Variants in SECISBP2L observed in about 807,000 individuals in gnomAD.
SECISBP2L encodes selenocysteine insertion sequence-binding protein 2-like.
SECISBP2L carries 43 observed loss-of-function variants against 114.7 expected under a neutral mutation model. The observed-to-expected ratio is 0.38, with a 90% CI of 0.29 to 0.48. The LOEUF is 0.48. Among genes scored for constraint, SECISBP2L ranks in the 20% least tolerant of loss-of-function variants. SECISBP2L has a pLI of 0.98. For synonymous variants in SECISBP2L, 451 were observed against 439.7 expected (o/e 1.03, Z -0.32); for missense variants, 1,136 against 1,301.1 (o/e 0.87, Z 1.95).
chr15:49,035,436 A>G lies in SECISBP2L; in HGVS notation c.426T>C (p.Ala142=), dbSNP rs759828261. Reference sequence around the variant, plus strand: ...GACGCTCAGTGCATTCTGTGGTGATAGCATTTACAGTATTTGCAGCCTGAA... The same window carrying G: ...GACGCTCAGTGCATTCTGTGGTGATGGCATTTACAGTATTTGCAGCCTGAA... ...NTFQAANTVN[A]ITTECTERPS... The change falls in exon 3 of 18, where the codon GCT becomes GCC. Residue 142 remains alanine, a synonymous_variant. Transcript: ENST00000559471. 1.9e-6 allele frequency: 3 copies of G among 1,614,082 alleles called. No homozygotes were observed. Among genetic ancestry groups the G allele is most frequent in the African/African-American group, 1.3e-5 (1 of 74,920 alleles).
intron 17 of SECISBP2L, among the ~76,000 whole-genome samples, chr15:48,993,313 T>C (rs1490897984): frequency 6.6e-6 from 1 of 152,014 alleles, no homozygotes; most frequent in African/African-American, 2.4e-5. Context: ...AAAGGGAAAA[T>C]AATTCCCAAA....
intron 11 of SECISBP2L, 117 bp downstream of exon 11, chr15:49,016,443 C>T (rs28521891): frequency 0.059 from 39,293 of 662,488 alleles, 1,246 homozygotes; most frequent in East Asian, 0.16. Context: ...CATATATATA[C>T]ACACACACAC....
chr15:49,017,002 G>A lies in SECISBP2L; in HGVS notation c.1265C>T (p.Pro422Leu), dbSNP rs750678381. 1.9e-6 allele frequency: 3 copies of A among 1,611,510 alleles called. No homozygotes were observed. Among genetic ancestry groups the A allele is most frequent in the African/African-American group, 1.3e-5 (1 of 74,860 alleles). ...KLSSKVLDDL[P>L]ENSPINIVQT... ...AACTATATTGATTGGTGAGTTTTCAGGTAAATCATCCAACTATGATAACCA... is the reference window on the plus strand; with the variant it reads ...AACTATATTGATTGGTGAGTTTTCAAGTAAATCATCCAACTATGATAACCA... Residue 422 changes from proline (P) to leucine (L), a missense_variant, in exon 10 of 18, where the codon CCT becomes CTT. Coordinates refer to ENST00000559471, the MANE Select transcript of SECISBP2L (RefSeq NM_001193489.2).
intron 9 of SECISBP2L, 21 bp downstream of exon 9, chr15:49,017,527 T>C (rs1902560239): frequency 6.7e-7 from 1 of 1,490,198 alleles, no homozygotes; most frequent in Non-Finnish European, 9.3e-7. Context: ...ATTTTGCTTT[T>C]CTTTTTAAAG....
chr15:48,999,302 T>C (rs1002017859), intron 16 of SECISBP2L, among the ~76,000 whole-genome samples: 1 of 144,280 alleles, frequency 6.9e-6, no homozygotes, highest in Non-Finnish European at 1.5e-5. Context: ...TTACTCTAAA[T>C]TGATAACCAT....
chr15:49,002,916 T>C (rs988497063), intron 14 of SECISBP2L, among the ~76,000 whole-genome samples: 2 of 152,184 alleles, frequency 1.3e-5, no homozygotes, highest in Non-Finnish European at 2.9e-5. Context: ...TTGCTTAGGA[T>C]TGTCTTGGCT....
rs1901988382 is a variant in SECISBP2L at position 48,992,075 on chromosome 15, T to C, written c.*169A>G. 2 of 564,850 alleles carry C rather than the reference T, an allele frequency of 3.5e-6. No individual in the cohort carries two copies. The highest frequency in any genetic ancestry group is 3.3e-5 in the Admixed American group (1 of 29,854). The allele number at this position is 564,850 out of a possible 1,614,324, so 35.0% of individuals were successfully genotyped here. On this transcript the variant is annotated 3_prime_UTR_variant, in exon 18 of 18. Coordinates refer to ENST00000559471, the MANE Select transcript of SECISBP2L (RefSeq NM_001193489.2). ...AGTTCTTAGAAAGACACTTAGATAC[T>C]AATTAAAAGCTAAGCTACAGATCAT...
chr15:49,024,787 C>T (rs1414177411), intron 7 of SECISBP2L, among the ~76,000 whole-genome samples: 1 of 152,032 alleles, frequency 6.6e-6, no homozygotes, highest in Non-Finnish European at 1.5e-5. Flanking sequence ...AAAAATCAAA[C>T]AAATCAAAAA....
intron 8 of SECISBP2L, among the ~76,000 whole-genome samples, chr15:49,018,082 T>G (rs34825252): frequency 6.6e-6 from 1 of 151,564 alleles, no homozygotes; most frequent in Admixed American, 6.6e-5. Flanking sequence ...ATCTTCCTTT[T>G]TCCTGAAAAT....
intron 16 of SECISBP2L, among the ~76,000 whole-genome samples, chr15:48,996,919 C>T (rs1039847286): frequency 6.6e-6 from 1 of 152,178 alleles, no homozygotes; most frequent in Non-Finnish European, 1.5e-5. Flanking sequence ...TGAACATCAA[C>T]TCTACTCTCA....
chr15:48,993,331 A>C (rs1477814847), intron 17 of SECISBP2L, among the ~76,000 whole-genome samples: 3 of 152,200 alleles, frequency 2.0e-5, no homozygotes, highest in African/African-American at 7.2e-5. Context: ...AAAAATGTAC[A>C]TTCAAGATAA....
At chr15:49,036,926 T>C (rs901833454) in intron 2 of SECISBP2L, among the ~76,000 whole-genome samples, 3 of 152,164 alleles carry the variant, frequency 2.0e-5, no homozygotes, top group African/African-American at 7.2e-5. Flanking sequence ...AAAACGAAAT[T>C]TTCTGTGTGA....
rs775833074 is a variant in SECISBP2L, at chr15:49,011,764, C to T, written c.1831G>A (p.Asp611Asn). The T allele has an allele frequency of 1.7e-5, 28 of 1,613,914 alleles. No individual in the cohort carries two copies. Among genetic ancestry groups the T allele is most frequent in the Non-Finnish European group, 2.3e-5 (27 of 1,179,954 alleles). Residue 611 changes from aspartate (D) to asparagine (N), a missense_variant, in exon 13 of 18, where the codon GAT becomes AAT. Around this residue, in one of 2 missense-constraint regions of SECISBP2L, gnomAD observed 684 missense variants for 848.7 expected, o/e 0.81. Transcript: ENST00000559471. ...GAAACAATCTCCTGTGGCAAGTCAT[C>T]AATAAAATCTAAGTGCATTTCTGTT... is the stretch of plus-strand genomic sequence containing the variant. The part of the protein sequence containing the change: ...EPTEMHLDFI[D>N]DLPQEIVSQE...
intron 13 of SECISBP2L, among the ~76,000 whole-genome samples, chr15:49,010,700 CAG>C (rs765830541): frequency 1.3e-5 from 2 of 152,068 alleles, no homozygotes; most frequent in Non-Finnish European, 2.9e-5. Flanking sequence ...TTTGTAGAGA[CAG>C]GGTTTTGCCT....
At chr15:49,027,227 C>A in intron 7 of SECISBP2L, 138 bp downstream of exon 7, 1 of 525,520 alleles carries the variant, frequency 1.9e-6, no homozygotes, top group Non-Finnish European at 3.4e-6. Context: ...AGTTTATTAG[C>A]TAAGCCATTT....
intron 1 of SECISBP2L, among the ~76,000 whole-genome samples, chr15:49,045,019 T>C (rs916671223): frequency 1.3e-5 from 2 of 152,274 alleles, no homozygotes; most frequent in East Asian, 3.9e-4. Context: ...AAAATGTTTT[T>C]AAATTAAACT....
chr15:49,024,655 T>C (rs926711963), intron 7 of SECISBP2L, among the ~76,000 whole-genome samples: 1 of 152,098 alleles, frequency 6.6e-6, no homozygotes, highest in Non-Finnish European at 1.5e-5. Flanking sequence ...TATTATATTA[T>C]AAAAAGTAGC....
At chr15:49,033,547 G>C (rs1053705592) in intron 3 of SECISBP2L, among the ~76,000 whole-genome samples, 1 of 151,996 alleles carries the variant, frequency 6.6e-6, no homozygotes, top group Non-Finnish European at 1.5e-5. Flanking sequence ...ATATAAAAAA[G>C]CTGATCATGG....
intron 1 of SECISBP2L, among the ~76,000 whole-genome samples, chr15:49,038,743 G>A (rs889544311): frequency 1.3e-5 from 2 of 151,974 alleles, no homozygotes; most frequent in African/African-American, 2.4e-5. Context: ...AGTACATTCT[G>A]TAAAAAATCA....
Sources: gnomAD v4.1 joint callset for allele counts (sites outside exome capture counted in the v4.1 genomes callset) on GRCh38, gnomAD v4.1.1 for gene constraint, gnomAD v4.1.1 regional missense constraint, MANE v1.5 for transcripts, NCBI Gene and HGNC (gene_info 2026-07-23, HGNC 2026-07-21) for gene names.